The following RAD54L2 variants were observed in gnomAD, a reference collection of about 807,000 sequenced individuals.
RAD54L2 encodes the protein RAD54 like 2, also known as helicase ARIP4.
Under a neutral mutation model 138.4 loss-of-function variants are expected in RAD54L2, and 27 were observed. That is an observed-to-expected ratio of 0.20 (90% CI 0.14 to 0.27). The LOEUF is 0.27. RAD54L2 is among the 10% of genes least tolerant of loss of function. The pLI is 1.00. For synonymous variants in RAD54L2, 644 were observed against 723.2 expected (o/e 0.89, Z 1.76); for missense variants, 1,396 against 1,890.2 (o/e 0.74, Z 4.85).
Position 51,590,556 on chromosome 3 carries a change from G to GA in RAD54L2, c.137dup (p.Asp46GlufsTer2). 6.4e-7 allele frequency: 1 copy of GA among 1,552,386 alleles called. No individual in the cohort carries two copies. Among genetic ancestry groups the GA allele is most frequent in the Non-Finnish European group, 8.7e-7 (1 of 1,147,168 alleles). On this transcript the variant is annotated frameshift_variant, in exon 3 of 23. Coordinates refer to ENST00000684192, the MANE Select transcript of RAD54L2 (RefSeq NM_015106.4). LOFTEE classifies it high-confidence loss of function. ...CAGGGATGATGAAGAAGACCTGCTG[G>GA]ATGGTAAGTGGGCTCTATTGAGTGA...
chr3:51,570,019 G>A (rs1249015136), intron 2 of RAD54L2, among the ~76,000 whole-genome samples: 4 of 151,432 alleles, frequency 2.6e-5, no homozygotes, highest in African/African-American at 9.7e-5. Context: ...TTTTTATAGA[G>A]ACAGGGTCTC....
At chr3:51,611,450 T>C (rs557191633) in intron 3 of RAD54L2, 2 of 152,288 alleles carry the variant, frequency 1.3e-5, no homozygotes, top group South Asian at 2.1e-4. Context: ...AAAGCTGTGG[T>C]TCAATGCCTC....
chr3:51,629,289 A>C, intron 4 of RAD54L2, 45 bp from the exon 5 acceptor site: 3 of 1,553,264 alleles, frequency 1.9e-6, no homozygotes, highest in Non-Finnish European at 2.6e-6. Flanking sequence ...TACATTGCCC[A>C]AATCTTAATT....
At chr3:51,631,420 CTTTTTTTTTT>C (rs898540419) in intron 7 of RAD54L2, among the ~76,000 whole-genome samples, 1 of 128,322 alleles carries the variant, frequency 7.8e-6, no homozygotes, top group Non-Finnish European at 1.7e-5. Flanking sequence ...ATTAAGAACT[CTTTTTTTTTT>C]TTTTTTTTCT....
chr3:51,582,929 C>G (rs1018781688), intron 2 of RAD54L2, among the ~76,000 whole-genome samples: 5 of 152,078 alleles, frequency 3.3e-5, no homozygotes, highest in African/African-American at 1.2e-4. Flanking sequence ...CCGCGCCCGG[C>G]TAATTTTTTG....
chr3:51,560,276 G>A (rs900109269), intron 2 of RAD54L2, among the ~76,000 whole-genome samples: 14 of 151,882 alleles, frequency 9.2e-5, no homozygotes, highest in African/African-American at 3.4e-4. Flanking sequence ...GAAACCTCAT[G>A]TGTCTTTTAC....
intron 2 of RAD54L2, among the ~76,000 whole-genome samples, chr3:51,567,782 G>A (rs1293914878): frequency 6.6e-6 from 1 of 151,712 alleles, no homozygotes; most frequent in Non-Finnish European, 1.5e-5. Flanking sequence ...TCAAATCTAA[G>A]TAGAGGCCTT....
chr3:51,557,110 A>T (rs887618132), intron 2 of RAD54L2, among the ~76,000 whole-genome samples: 2 of 150,940 alleles, frequency 1.3e-5, no homozygotes, highest in African/African-American at 4.9e-5. Context: ...TGTACCTGTC[A>T]CCCAATTTCA....
intron 3 of RAD54L2, among the ~76,000 whole-genome samples, chr3:51,598,268 G>A (rs375698342): frequency 6.6e-6 from 1 of 151,430 alleles, no homozygotes; most frequent in Admixed American, 6.6e-5. Context: ...GGCCTCAGGG[G>A]GAGACCTCAG....
At chr3:51,579,967 G>A (rs1386294059) in intron 2 of RAD54L2, among the ~76,000 whole-genome samples, 1 of 152,014 alleles carries the variant, frequency 6.6e-6, no homozygotes, top group Non-Finnish European at 1.5e-5. Flanking sequence ...CAGCACCATG[G>A]TGTTTCCAAC....
At chr3:51,568,446 T>A (rs1253928619) in intron 2 of RAD54L2, among the ~76,000 whole-genome samples, 1 of 152,204 alleles carries the variant, frequency 6.6e-6, no homozygotes, top group Non-Finnish European at 1.5e-5. Flanking sequence ...GATTGTAACT[T>A]CATTAACCCT....
Position 51,666,516 on chromosome 3 carries a change from A to T in RAD54L2, c.*3096A>T, listed in dbSNP as rs1701915735. 1 of 152,152 alleles carries T rather than the reference A, an allele frequency of 6.6e-6. No individual in the cohort carries two copies. Among genetic ancestry groups the T allele is most frequent in the Non-Finnish European group, 1.5e-5 (1 of 68,024 alleles). The allele number at this position is 152,152 out of a possible 1,614,324, so 9.4% of individuals were successfully genotyped here. A position where few individuals can be genotyped will look rare whatever the true frequency, so the allele number is the denominator to read the frequency against. ...TTCAAGGGCCTCTCAAGCCCCATTC[A>T]TCTGGTTTAGCCAAGTTCTCAGCCT... On this transcript the variant is annotated 3_prime_UTR_variant, in exon 23 of 23. Coordinates refer to ENST00000684192, the MANE Select transcript of RAD54L2 (RefSeq NM_015106.4).
chr3:51,642,414 A>G (rs574706146), intron 15 of RAD54L2, among the ~76,000 whole-genome samples: 2 of 151,468 alleles, frequency 1.3e-5, no homozygotes, highest in East Asian at 3.9e-4. Context: ...GTAAACAGAT[A>G]TACAGTTTAT....
chr3:51,653,246 A>G (rs1701490204), intron 19 of RAD54L2, among the ~76,000 whole-genome samples: 1 of 152,228 alleles, frequency 6.6e-6, no homozygotes, highest in Non-Finnish European at 1.5e-5. Flanking sequence ...ATCTCACACC[A>G]GTTAGAATGG....
intron 3 of RAD54L2, among the ~76,000 whole-genome samples, chr3:51,626,434 A>ATTTTTT (rs1302087610): frequency 1.6e-4 from 2 of 12,292 alleles, no homozygotes; most frequent in Non-Finnish European, 3.2e-4. Context: ...ACCCCCAACG[A>ATTTTTT]TCTTTTTTTT....
intron 2 of RAD54L2, among the ~76,000 whole-genome samples, chr3:51,586,689 G>A (rs568759102): frequency 4.0e-5 from 6 of 151,090 alleles, no homozygotes; most frequent in East Asian, 2.0e-4. Context: ...CTGCTTCAGC[G>A]TCCCGAGTAG....
At chr3:51,634,157 TGTATCACTTTCTCTG>T in intron 9 of RAD54L2, 122 bp downstream of exon 9, 1 of 1,271,610 alleles carries the variant, frequency 7.9e-7, no homozygotes, top group South Asian at 1.5e-5. Context: ...GGTTTCCTGA[TGTATCACTTTCTCTG>T]TTCTTGCTAC....
At chr3:51,635,528 A>G (rs1700964326) in intron 9 of RAD54L2, 65 bp from the exon 10 acceptor site, 13 of 1,472,346 alleles carry the variant, frequency 8.8e-6, no homozygotes, top group Non-Finnish European at 1.1e-5. Flanking sequence ...CCTTGGGAGC[A>G]GCAGAAACAA....
rs1471521910 is a variant in RAD54L2, at chr3:51,662,648, A to T, written c.3632A>T (p.Asp1211Val). 3.1e-6 allele frequency: 5 copies of T among 1,613,050 alleles called. No individual in the cohort carries two copies. Among genetic ancestry groups the T allele is most frequent in the Non-Finnish European group, 4.2e-6 (5 of 1,179,482 alleles). ...CCTGGCCCCCCGGCCCAACTTATGG[A>T]CAGCAGTGCTGTTCCCGGGACAGCT... Reference protein sequence around the residue: ...ALPGPPAQLMDSSAVPGTALG... With the variant: ...ALPGPPAQLMVSSAVPGTALG... The change falls in exon 23 of 23, where the codon GAC becomes GTC. Residue 1211 changes from aspartate (D) to valine (V), a missense_variant. This residue lies in a region of RAD54L2 where 634 missense variants were observed against 711.2 expected (regional missense o/e 0.89). Transcript: ENST00000684192. This position sits in a 1 kb window ranked among gnomAD's most constrained non-coding sequence, Gnocchi z 4.6.
Sources: allele counts gnomAD v4.1 joint callset (sites outside exome capture counted in the v4.1 genomes callset), GRCh38; gene constraint gnomAD v4.1.1; regional missense constraint gnomAD v4.1.1; non-coding constraint Gnocchi (gnomAD v3.1); transcripts MANE v1.5; gene names NCBI Gene and HGNC (gene_info 2026-07-23, HGNC 2026-07-21).